The following NR3C1 variants were observed in gnomAD, a reference collection of about 807,000 sequenced individuals.
The protein encoded by NR3C1 is glucocorticoid receptor.
In NR3C1, 14 loss-of-function variants were observed where a neutral mutation model predicts 74.0. The observed-to-expected ratio is 0.19, with a 90% CI of 0.12 to 0.30. NR3C1 has a LOEUF of 0.30. NR3C1 is among the 10% of genes least tolerant of loss of function. NR3C1 has a pLI of 1.00. For synonymous variants in NR3C1, 308 were observed against 332.5 expected (o/e 0.93, Z 0.80); for missense variants, 695 against 909.8 (o/e 0.76, Z 3.04).
At position 143,399,591 on chromosome 5, in the gene NR3C1, G is replaced by A. The variant is rs1839859523; in HGVS notation, c.1184+65C>T. 7.5e-6 allele frequency: 9 copies of A among 1,204,454 alleles called. 1 individual carries two copies. In the South Asian group the frequency reaches 9.9e-5, roughly 13 times the overall value. 74.6% of individuals were successfully genotyped at this position (1,204,454 alleles called of 1,614,324 possible). ...TAGAGAACACATATAAATCAATGAA[G>A]ATTTACATCTATTAATCTACCTTAA... On this transcript the variant is annotated intron_variant, in intron 2 of 8. Transcript: ENST00000394464.
chr5:143,332,432 A>T (rs2151705498), intron 2 of NR3C1, among the ~76,000 whole-genome samples: 1 of 151,784 alleles, frequency 6.6e-6, no homozygotes, highest in African/African-American at 2.4e-5. Context: ...GGACAGCATT[A>T]GGAAAAATAG....
intron 2 of NR3C1, among the ~76,000 whole-genome samples, chr5:143,330,181 A>C (rs1249117167): frequency 1.3e-5 from 2 of 152,306 alleles, no homozygotes; most frequent in South Asian, 2.1e-4. Context: ...CATTTTAGAA[A>C]CTGTATGTTA....
intron 3 of NR3C1, among the ~76,000 whole-genome samples, 174 bp downstream of exon 3, chr5:143,313,828 A>G (rs1434099639): frequency 6.6e-6 from 1 of 152,028 alleles, no homozygotes; most frequent in African/African-American, 2.4e-5. Flanking sequence ...ATCTTTTTGT[A>G]TTGTTGTTTT....
At chr5:143,432,005 G>A (rs991233828) in intron 1 of NR3C1, among the ~76,000 whole-genome samples, 25 of 152,302 alleles carry the variant, frequency 1.6e-4, no homozygotes, top group Admixed American at 9.8e-4. Flanking sequence ...TGACAGGAGC[G>A]GAGTTTCAAC....
chr5:143,315,632 T>C (rs1821918538), intron 2 of NR3C1, among the ~76,000 whole-genome samples: 1 of 152,210 alleles, frequency 6.6e-6, no homozygotes, highest in Non-Finnish European at 1.5e-5. Context: ...ATAACAGTAG[T>C]AAGTCTCAAT....
At chr5:143,402,935 C>CGGCAGT in intron 1 of NR3C1, 1 of 812,880 alleles carries the variant, frequency 1.2e-6, no homozygotes, top group Non-Finnish European at 1.5e-6. Flanking sequence ...TCGAAGCCCC[C>CGGCAGT]GGCAGTTCGA....
At chr5:143,406,303 C>T (rs1335466209), upstream of NR3C1, among the ~76,000 whole-genome samples, 1 of 151,598 alleles carries the variant, frequency 6.6e-6, no homozygotes, top group South Asian at 2.1e-4. Flanking sequence ...TTTATGATTT[C>T]ACAAGAGTTC....
At chr5:143,407,720 T>C (rs1182687433), upstream of NR3C1, among the ~76,000 whole-genome samples, 2 of 152,232 alleles carry the variant, frequency 1.3e-5, no homozygotes, top group Non-Finnish European at 2.9e-5. Flanking sequence ...GAAACTGATA[T>C]ATTACCCAAG....
At chr5:143,417,925 G>A (rs569417393) in intron 1 of NR3C1, among the ~76,000 whole-genome samples, 8 of 152,280 alleles carry the variant, frequency 5.3e-5, no homozygotes, top group African/African-American at 1.9e-4. Context: ...TGAAACCCAA[G>A]AGAACCATAG....
intron 2 of NR3C1, among the ~76,000 whole-genome samples, chr5:143,362,124 T>A (rs913127975): frequency 2.0e-5 from 3 of 152,194 alleles, no homozygotes; most frequent in African/African-American, 7.2e-5. Flanking sequence ...AACTGAACTT[T>A]TTCGGAACCT....
upstream of NR3C1, among the ~76,000 whole-genome samples, chr5:143,407,948 C>A (rs989316088): frequency 1.3e-5 from 2 of 152,110 alleles, no homozygotes; most frequent in African/African-American, 4.8e-5. Context: ...GAAAGTGAAG[C>A]CTTCTAGTGG....
intron 1 of NR3C1, among the ~76,000 whole-genome samples, chr5:143,425,074 AGTCC>A (rs890762836): frequency 2.6e-5 from 4 of 152,338 alleles, no homozygotes; most frequent in South Asian, 4.1e-4. Flanking sequence ...TAGAATTGAG[AGTCC>A]AGAAACCCAT....
chr5:143,287,724 C>T (rs913309241), intron 7 of NR3C1, among the ~76,000 whole-genome samples: 2 of 152,186 alleles, frequency 1.3e-5, no homozygotes, highest in South Asian at 4.2e-4. Flanking sequence ...GATCAGCATC[C>T]TTCATAAAGA....
intron 2 of NR3C1, among the ~76,000 whole-genome samples, chr5:143,363,526 T>C (rs1483045491): frequency 6.6e-6 from 1 of 151,758 alleles, no homozygotes; most frequent in East Asian, 1.9e-4. Flanking sequence ...TGAGCTGAGA[T>C]CGTGCCACTG....
At chr5:143,376,181 T>A (rs1835158347) in intron 2 of NR3C1, among the ~76,000 whole-genome samples, 1 of 151,914 alleles carries the variant, frequency 6.6e-6, no homozygotes, top group Non-Finnish European at 1.5e-5. Context: ...GCCAAAAAAG[T>A]TTGTATTTCA....
At position 143,359,004 on chromosome 5, in the gene NR3C1, T is replaced by C. The variant is rs575428384; in HGVS notation, c.1184+40652A>G. ...TTCCTTTGTACATTCAAATTTATAATATTAATCTGCATAGGAAGCAATCAG... is the reference window on the plus strand; with the variant it reads ...TTCCTTTGTACATTCAAATTTATAACATTAATCTGCATAGGAAGCAATCAG... On this transcript the variant is annotated intron_variant, in intron 2 of 8. Transcript: ENST00000394464. Among the ~76,000 whole-genome samples the C allele has an allele frequency of 7.9e-5, 12 of 152,336 alleles. No individual in the cohort carries two copies. The South Asian group carries it at 2.5e-3, about 32-fold the overall frequency.
chr5:143,372,166 T>C (rs1834342654), intron 2 of NR3C1, among the ~76,000 whole-genome samples: 2 of 152,238 alleles, frequency 1.3e-5, no homozygotes, highest in Non-Finnish European at 2.9e-5. Context: ...GATTCATTCT[T>C]ATCATAGATC....
In NR3C1 at chr5:143,403,312, A is replaced by AT. The variant is rs568039009; in HGVS notation, c.-116dup. Reference sequence around the variant, plus strand: ...CGCAGAAGGAGCAGGAGGGAAATATATTTTTTTTTTCTAAAAAAAGGAAGT... The same window carrying AT: ...CGCAGAAGGAGCAGGAGGGAAATATATTTTTTTTTTTCTAAAAAAAGGAAGT... On this transcript the variant is annotated 5_prime_UTR_variant, in exon 1 of 9. An upstream open reading frame in the 5' UTR loses its in-frame stop. Coordinates refer to ENST00000394464, the MANE Select transcript of NR3C1 (RefSeq NM_000176.3). 6,913 of 931,304 alleles carry AT rather than the reference A, an allele frequency of 7.4e-3. 218 individuals are homozygous for AT. In the African/African-American group the frequency reaches 0.085, roughly 11 times the overall value. The allele number at this position is 931,304 out of a possible 1,614,324, so 57.7% of individuals were successfully genotyped here. A position where few individuals can be genotyped will look rare whatever the true frequency, so the allele number is the denominator to read the frequency against.
At chr5:143,400,943 T>A in intron 1 of NR3C1, 91 bp from the exon 2 acceptor site, 1 of 934,192 alleles carries the variant, frequency 1.1e-6, no homozygotes, top group Non-Finnish European at 1.7e-6. Context: ...GGCAGCTTGT[T>A]AAATGAACCT....
Sources: allele counts gnomAD v4.1 joint callset (sites outside exome capture counted in the v4.1 genomes callset), GRCh38; gene constraint gnomAD v4.1.1; transcripts MANE v1.5; gene names NCBI Gene and HGNC (gene_info 2026-07-23, HGNC 2026-07-21).